Variants in DEPDC5 observed in about 807,000 individuals in gnomAD.
DEPDC5 encodes the protein DEP domain containing 5, GATOR1 subcomplex subunit, also known as GATOR1 complex protein DEPDC5.
A neutral mutation model predicts 217.3 loss-of-function variants in DEPDC5; 73 were observed. The ratio of observed to expected loss-of-function variants is 0.34; its 90% CI spans 0.28 to 0.41. DEPDC5 has a LOEUF of 0.41. Among genes scored for constraint, DEPDC5 ranks in the 10% least tolerant of loss-of-function variants. The pLI, the probability that DEPDC5 is intolerant of heterozygous loss-of-function variation, is 1.00. For missense variants in DEPDC5, 1,675 were observed against 2,070.1 expected (o/e 0.81, Z 3.70); for synonymous variants, 733 against 756.7 (o/e 0.97, Z 0.51).
chr22:31,899,598 G>T (rs1291876097), intron 40 of DEPDC5, among the ~76,000 whole-genome samples: 1 of 152,098 alleles, frequency 6.6e-6, no homozygotes. Context: ...CACCACGTTG[G>T]CCAGGAAGGT....
intron 20 of DEPDC5, among the ~76,000 whole-genome samples, chr22:31,812,914 A>G (rs996059798): frequency 6.6e-6 from 1 of 151,236 alleles, no homozygotes; most frequent in South Asian, 2.1e-4. Context: ...CTAATTTTGT[A>G]TTTTTAGTAG....
At chr22:31,815,338 AGTAG>A in intron 21 of DEPDC5, 126 bp downstream of exon 21, 1 of 956,950 alleles carries the variant, frequency 1.0e-6, no homozygotes, top group South Asian at 1.4e-5. Context: ...TTGCCAGTGC[AGTAG>A]GTACAAATCA....
chr22:31,802,222 G>C (rs1052991301), intron 14 of DEPDC5, among the ~76,000 whole-genome samples: 2 of 149,210 alleles, frequency 1.3e-5, no homozygotes, highest in African/African-American at 5.0e-5. Context: ...TCTGCCTCCT[G>C]GGTTCAAGTG....
chr22:31,887,263 A>G (rs2093338616), intron 38 of DEPDC5, among the ~76,000 whole-genome samples: 1 of 151,590 alleles, frequency 6.6e-6, no homozygotes, highest in African/African-American at 2.4e-5. Context: ...TACTAAAAAT[A>G]CAAAAAATTA....
Position 31,810,559 on chromosome 22 carries a change from A to G in DEPDC5, c.1363A>G (p.Ile455Val). The change falls in exon 20 of 43, where the codon ATC becomes GTC. Residue 455 changes from isoleucine (I) to valine (V), a missense_variant. Ile to Val is a conservative substitution (Grantham distance 29, BLOSUM62 3). This residue lies in a region of DEPDC5 where 628 missense variants were observed against 762.1 expected (regional missense o/e 0.82). Coordinates refer to ENST00000651528, the MANE Select transcript of DEPDC5 (RefSeq NM_001242896.3). ...SPKESENALP[I>V]QVDYDAYDAQ... ...AAAAGAATCTGAGAACGCCCTTCCC[A>G]TCCAAGTAGATTATGACGCCTATGA... 1 of 1,614,122 alleles carries G rather than the reference A, an allele frequency of 6.2e-7. No homozygotes were observed. The highest frequency in any genetic ancestry group is 1.7e-5 in the Admixed American group (1 of 60,006).
At chr22:31,778,611 T>A (rs371070704) in intron 8 of DEPDC5, among the ~76,000 whole-genome samples, 2 of 152,116 alleles carry the variant, frequency 1.3e-5, no homozygotes, top group East Asian at 1.9e-4. Flanking sequence ...CAGTTTGGAG[T>A]TGATCTTCAT....
chr22:31,793,759 A>G (rs1431266577), intron 12 of DEPDC5, among the ~76,000 whole-genome samples: 3 of 151,942 alleles, frequency 2.0e-5, no homozygotes, highest in Non-Finnish European at 2.9e-5. Context: ...TTTAGTAGAG[A>G]TGGGGTTCGC....
At chr22:31,766,063 G>A (rs1255728797) in intron 5 of DEPDC5, among the ~76,000 whole-genome samples, 3 of 152,146 alleles carry the variant, frequency 2.0e-5, no homozygotes, top group Non-Finnish European at 4.4e-5. Context: ...TAGCCTACAT[G>A]TCATTTAGAA....
At chr22:31,875,227 TGCCGTA>T (rs1407437185) in intron 36 of DEPDC5, 1 of 167,104 alleles carries the variant, frequency 6.0e-6, no homozygotes, top group Non-Finnish European at 1.5e-5. Context: ...GCACAGCCTT[TGCCGTA>T]TACACTCTCG....
chr22:31,806,482 A>G (rs1384369060), intron 18 of DEPDC5, among the ~76,000 whole-genome samples: 3 of 152,274 alleles, frequency 2.0e-5, no homozygotes, highest in Admixed American at 2.0e-4. Flanking sequence ...CATTAGATAA[A>G]TAAATAACAA....
At chr22:31,771,363 A>G (rs980446443) in intron 7 of DEPDC5, among the ~76,000 whole-genome samples, 8 of 152,138 alleles carry the variant, frequency 5.3e-5, no homozygotes, top group Non-Finnish European at 1.2e-4. Context: ...TGGCGTGAGG[A>G]TCACTTGAGG....
intron 31 of DEPDC5, among the ~76,000 whole-genome samples, chr22:31,856,568 T>G (rs1312308280): frequency 1.3e-5 from 2 of 152,080 alleles, no homozygotes; most frequent in Non-Finnish European, 2.9e-5. Context: ...AACATGAAAA[T>G]ATTCATTCAT....
chr22:31,756,359 T>C (rs1157346616), intron 2 of DEPDC5, among the ~76,000 whole-genome samples: 1 of 152,206 alleles, frequency 6.6e-6, no homozygotes, highest in Non-Finnish European at 1.5e-5. Context: ...GACTCTGTGC[T>C]CAATAAATGT....
chr22:31,826,331 A>T (rs2090141829), intron 24 of DEPDC5: 21 of 261,684 alleles, frequency 8.0e-5, no homozygotes, highest in South Asian at 6.3e-4. Context: ...AAATGTGATA[A>T]TCCACATAAA....
chr22:31,851,317 A>G (rs2092014785), intron 31 of DEPDC5, among the ~76,000 whole-genome samples: 1 of 152,216 alleles, frequency 6.6e-6, no homozygotes, highest in Admixed American at 6.5e-5. Context: ...TTGGGAAGGC[A>G]GGAAGAGTGT....
chr22:31,826,899 T>G (rs982737650), intron 24 of DEPDC5, among the ~76,000 whole-genome samples: 7 of 143,016 alleles, frequency 4.9e-5, no homozygotes, highest in Non-Finnish European at 7.6e-5. Context: ...TATACATAGT[T>G]TTTTTTTTTT....
In DEPDC5 at chr22:31,802,696, A is replaced by G. The variant is rs753484797; in HGVS notation, c.947-8A>G. On this transcript the variant is annotated splice_polypyrimidine_tract_variant and splice_region_variant and intron_variant, in intron 14 of 42. Transcript: ENST00000651528. ...ATCATTATTGTGGAATTTTTGTTTT[A>G]TTTCTAGTGTTTGATAAGCACTACA... 12 of 1,537,524 alleles carry G rather than the reference A, an allele frequency of 7.8e-6. No individual in the cohort carries two copies. Among genetic ancestry groups the G allele is most frequent in the Non-Finnish European group, 9.6e-6 (11 of 1,139,944 alleles).
chr22:31,812,518 A>G (rs9619234), intron 20 of DEPDC5, among the ~76,000 whole-genome samples: 44,211 of 135,450 alleles, frequency 0.33, 8,728 homozygotes, highest in African/African-American at 0.55. Context: ...TCTGCCTCCC[A>G]GCTTCGCACC....
intron 37 of DEPDC5, among the ~76,000 whole-genome samples, chr22:31,876,980 C>A (rs1017007428): frequency 9.9e-5 from 15 of 151,984 alleles, no homozygotes; most frequent in African/African-American, 3.6e-4. Context: ...CCTGTCTCTA[C>A]TAAAAATACA....
Sources: gnomAD v4.1 joint callset for allele counts (sites outside exome capture counted in the v4.1 genomes callset) on GRCh38, gnomAD v4.1.1 for gene constraint, gnomAD v4.1.1 regional missense constraint, MANE v1.5 for transcripts, NCBI Gene and HGNC (gene_info 2026-07-23, HGNC 2026-07-21) for gene names.